The following C3orf70 variants were observed in gnomAD, a reference collection of about 807,000 sequenced individuals.
C3orf70 encodes the protein UPF0524 protein C3orf70.
C3orf70 carries 15 observed loss-of-function variants against 20.7 expected under a neutral mutation model. That is an observed-to-expected ratio of 0.72 (90% CI 0.48 to 1.11). C3orf70 has a LOEUF of 1.11. Among genes scored for constraint, C3orf70 ranks in the 50% most tolerant of loss-of-function variants. C3orf70 has a pLI of 0.00. For synonymous variants in C3orf70, 161 were observed against 125.7 expected, an observed-to-expected ratio of 1.28 and a Z score of -1.88; for missense variants, 332 against 317.6, an observed-to-expected ratio of 1.05 and a Z score of -0.34.
chr3:185,139,459 A>G (rs898963742), intron 1 of C3orf70, among the ~76,000 whole-genome samples: 4 of 151,504 alleles, frequency 2.6e-5, no homozygotes, highest in African/African-American at 4.9e-5. Context: ...AGGCTGAGAC[A>G]GGAGAATTGC....
In C3orf70 at chr3:185,117,478, G is replaced by GAA. The variant is rs1577327467; in HGVS notation, c.197-33917_197-33916dup. ...AAAGAGAGAGAGAGAGAGAGAGAGAGAAAAGCCACTGATATGGCAGAACTG... is the reference window on the plus strand; with the variant it reads ...AAAGAGAGAGAGAGAGAGAGAGAGAGAAAAAAGCCACTGATATGGCAGAACTG... On this transcript the variant is annotated intron_variant, in intron 1 of 1. Transcript: ENST00000335012. Among the ~76,000 whole-genome samples, 2 of 149,782 alleles carry GAA rather than the reference G, an allele frequency of 1.3e-5. 1 individual carries two copies. The highest frequency in any genetic ancestry group is 3.9e-4 in the East Asian group (2 of 5,106).
chr3:185,147,949 T>C (rs1716909776), intron 1 of C3orf70, among the ~76,000 whole-genome samples: 2 of 152,216 alleles, frequency 1.3e-5, no homozygotes, highest in African/African-American at 4.8e-5. Context: ...CTTCATACTC[T>C]TTCTTGAAAC....
At chr3:185,085,070 C>T (rs1413288620) in intron 1 of C3orf70, among the ~76,000 whole-genome samples, 1 of 152,170 alleles carries the variant, frequency 6.6e-6, no homozygotes, top group Non-Finnish European at 1.5e-5. Context: ...CCAGTAGCAG[C>T]TCCTTCTCAA....
rs556792807 is a variant in C3orf70 at position 185,078,961 on chromosome 3, T to C, written c.*4046A>G. On this transcript the variant is annotated 3_prime_UTR_variant, in exon 2 of 2. Coordinates refer to ENST00000335012, the MANE Select transcript of C3orf70 (RefSeq NM_001025266.3). ...ATCGGTCCCAAAATACTTGTGATGG[T>C]TCAAATAGACCAAGAAGTGGAGGAT... 1 of 151,984 alleles carries C rather than the reference T, an allele frequency of 6.6e-6. No individual in the cohort carries two copies. The highest frequency in any genetic ancestry group is 2.4e-5 in the African/African-American group (1 of 41,478). 9.4% of individuals were successfully genotyped at this position (151,984 alleles called of 1,614,324 possible).
At chr3:185,114,083 C>G (rs142533337) in intron 1 of C3orf70, among the ~76,000 whole-genome samples, 1 of 152,010 alleles carries the variant, frequency 6.6e-6, no homozygotes, top group South Asian at 2.1e-4. Context: ...CCTGTAATCC[C>G]AGTTACTTGG....
At chr3:185,127,527 C>G (rs1224964813) in intron 1 of C3orf70, among the ~76,000 whole-genome samples, 1 of 152,108 alleles carries the variant, frequency 6.6e-6, no homozygotes, top group East Asian at 1.9e-4. Flanking sequence ...GCAACCTCTG[C>G]TTCTGGGGTT....
chr3:185,093,120 C>G (rs970060914), intron 1 of C3orf70, among the ~76,000 whole-genome samples: 2 of 152,132 alleles, frequency 1.3e-5, no homozygotes, highest in Non-Finnish European at 2.9e-5. Flanking sequence ...AGCCACCAAC[C>G]CCCTCCCAGT....
intron 1 of C3orf70, among the ~76,000 whole-genome samples, chr3:185,086,078 G>C (rs1022320654): frequency 8.5e-5 from 13 of 152,178 alleles, no homozygotes; most frequent in Non-Finnish European, 1.6e-4. Flanking sequence ...GATCCTCGTA[G>C]TTGATTCATG....
chr3:185,123,200 A>T (rs1682313996), intron 1 of C3orf70, among the ~76,000 whole-genome samples: 2 of 143,076 alleles, frequency 1.4e-5, no homozygotes, highest in South Asian at 4.6e-4. Context: ...AAAAAAAAAA[A>T]TTCACTCTGT....
At chr3:185,096,406 T>G (rs1364276030) in intron 1 of C3orf70, among the ~76,000 whole-genome samples, 2 of 152,196 alleles carry the variant, frequency 1.3e-5, no homozygotes, top group East Asian at 3.9e-4. Context: ...TTGTAAAATC[T>G]ATAAAGGGAG....
At chr3:185,151,660 C>A (rs1716992184) in intron 1 of C3orf70, among the ~76,000 whole-genome samples, 1 of 151,080 alleles carries the variant, frequency 6.6e-6, no homozygotes, top group Non-Finnish European at 1.5e-5. Flanking sequence ...TCCTGGTTGT[C>A]AGCTATTTTT....
intron 1 of C3orf70, among the ~76,000 whole-genome samples, chr3:185,101,453 A>C (rs891040393): frequency 1.3e-5 from 2 of 152,236 alleles, no homozygotes; most frequent in Non-Finnish European, 2.9e-5. Context: ...AGATGCACGC[A>C]TTCATCCATT....
chr3:185,122,869 C>T (rs565454096), intron 1 of C3orf70, among the ~76,000 whole-genome samples: 2 of 152,008 alleles, frequency 1.3e-5, no homozygotes, highest in South Asian at 4.2e-4. Context: ...AAAATTGACT[C>T]CATGGGCCAG....
intron 1 of C3orf70, among the ~76,000 whole-genome samples, chr3:185,116,610 T>A (rs777194250): frequency 6.6e-6 from 1 of 152,150 alleles, no homozygotes; most frequent in Non-Finnish European, 1.5e-5. Context: ...TTACCAAATG[T>A]CCCCTGGGTG....
chr3:185,097,734 A>G (rs1183767986), intron 1 of C3orf70, among the ~76,000 whole-genome samples: 2 of 152,236 alleles, frequency 1.3e-5, no homozygotes, highest in Non-Finnish European at 2.9e-5. Flanking sequence ...ACCCCTGCCT[A>G]TAACGCATGT....
intron 1 of C3orf70, among the ~76,000 whole-genome samples, chr3:185,151,252 T>C (rs28363668): frequency 0.017 from 2,663 of 152,306 alleles, 30 homozygotes; most frequent in Non-Finnish European, 0.027. Context: ...GAGAAGACAC[T>C]GTCAAAATAA....
intron 1 of C3orf70, among the ~76,000 whole-genome samples, chr3:185,145,588 A>C (rs546283285): frequency 1.1e-4 from 16 of 152,362 alleles, no homozygotes; most frequent in Middle Eastern, 3.4e-3. Context: ...TATTTCCAAA[A>C]GGAATTTAAA....
rs1432731291 is a variant in C3orf70, at chr3:185,091,892, CACAT to C, written c.197-8333_197-8330del. On this transcript the variant is annotated intron_variant, in intron 1 of 1. Coordinates refer to ENST00000335012, the MANE Select transcript of C3orf70 (RefSeq NM_001025266.3). ...TATATATATATATAATATATATACA[CACAT>C]ACACACACACACATACATATATATA... Among the ~76,000 whole-genome samples, 18 of 57,378 alleles carry C rather than the reference CACAT, an allele frequency of 3.1e-4. 1 individual carries two copies. Among genetic ancestry groups the C allele is most frequent in the South Asian group, 6.9e-4 (1 of 1,458 alleles). The allele number at this position is 57,378 out of a possible 152,430, so 37.6% of individuals were successfully genotyped here. A position where few individuals can be genotyped will look rare whatever the true frequency, so the allele number is the denominator to read the frequency against.
At chr3:185,110,645 G>C (rs1347488457) in intron 1 of C3orf70, among the ~76,000 whole-genome samples, 1 of 152,146 alleles carries the variant, frequency 6.6e-6, no homozygotes, top group South Asian at 2.1e-4. Context: ...TAACGCCCAT[G>C]CTGGAAGGTT....
Sources: allele counts gnomAD v4.1 joint callset (sites outside exome capture counted in the v4.1 genomes callset), GRCh38; gene constraint gnomAD v4.1.1; transcripts MANE v1.5; gene names NCBI Gene and HGNC (gene_info 2026-07-23, HGNC 2026-07-21).